KCNC2: variants seen among roughly 807,000 people sequenced by gnomAD.
KCNC2 encodes the protein voltage-gated potassium channel KCNC2.
In KCNC2, 21 loss-of-function variants were observed where a neutral mutation model predicts 44.5. The observed-to-expected ratio is 0.47, with a 90% CI of 0.33 to 0.68. The LOEUF is 0.68. KCNC2 is among the 30% of genes least tolerant of loss of function. The probability of loss-of-function intolerance (pLI) is 0.01; values close to 1 mark genes in which losing one functional copy is unlikely to be tolerated. For synonymous variants in KCNC2, 391 were observed against 339.1 expected, an observed-to-expected ratio of 1.15 and a Z score of -1.68; for missense variants, 589 against 826.2, an observed-to-expected ratio of 0.71 and a Z score of 3.52.
At chr12:75,078,126 C>G (rs1327087896) in intron 2 of KCNC2, among the ~76,000 whole-genome samples, 1 of 151,962 alleles carries the variant, frequency 6.6e-6, no homozygotes, top group East Asian at 1.9e-4. Flanking sequence ...TTCCTGGGTA[C>G]CTTGTTTATA....
At chr12:75,184,886 C>A (rs555141459) in intron 2 of KCNC2, among the ~76,000 whole-genome samples, 1 of 152,116 alleles carries the variant, frequency 6.6e-6, no homozygotes, top group Non-Finnish European at 1.5e-5. Flanking sequence ...TGGTTACTTG[C>A]CTACTCCTCA....
intron 2 of KCNC2, among the ~76,000 whole-genome samples, chr12:75,099,733 T>A (rs1886225222): frequency 6.6e-6 from 1 of 152,136 alleles, no homozygotes; most frequent in Non-Finnish European, 1.5e-5. Flanking sequence ...ATTGAATAAC[T>A]GCACATTAAT....
chr12:75,118,195 T>C (rs1887811812), intron 2 of KCNC2, among the ~76,000 whole-genome samples: 1 of 152,106 alleles, frequency 6.6e-6, no homozygotes, highest in Admixed American at 6.6e-5. Context: ...ATAAGTGACT[T>C]AATTAAGGTC....
chr12:75,079,350 A>G (rs1351457439), intron 2 of KCNC2, among the ~76,000 whole-genome samples: 1 of 152,106 alleles, frequency 6.6e-6, no homozygotes, highest in Non-Finnish European at 1.5e-5. Context: ...ACCACTGGAT[A>G]TAGAGACTAC....
At chr12:75,158,417 T>A (rs1002332781) in intron 2 of KCNC2, among the ~76,000 whole-genome samples, 1 of 151,412 alleles carries the variant, frequency 6.6e-6, no homozygotes, top group Admixed American at 6.6e-5. Context: ...TTAGATACAC[T>A]TGAGAGAAAA....
chr12:75,203,432 A>G (rs570231695), intron 2 of KCNC2, among the ~76,000 whole-genome samples: 8 of 152,000 alleles, frequency 5.3e-5, no homozygotes, highest in African/African-American at 1.9e-4. Flanking sequence ...TTAAAAAATG[A>G]TAGATTCGCT....
chr12:75,062,358 C>A (rs1882431378), intron 2 of KCNC2, among the ~76,000 whole-genome samples: 3 of 152,132 alleles, frequency 2.0e-5, no homozygotes, highest in African/African-American at 7.2e-5. Context: ...CTCTGGTCAT[C>A]AATACTGCAA....
intron 2 of KCNC2, among the ~76,000 whole-genome samples, chr12:75,089,588 AAAAG>A (rs1885305680): frequency 2.6e-5 from 4 of 152,004 alleles, no homozygotes; most frequent in South Asian, 4.1e-4. Context: ...ATATGCAGTT[AAAAG>A]AACATGCAAC....
At chr12:75,202,492 G>A (rs1242250449) in intron 2 of KCNC2, among the ~76,000 whole-genome samples, 1 of 151,740 alleles carries the variant, frequency 6.6e-6, no homozygotes, top group Non-Finnish European at 1.5e-5. Context: ...GACTATTATA[G>A]CAGACTCTTT....
intron 2 of KCNC2, among the ~76,000 whole-genome samples, chr12:75,185,221 A>G (rs1014462751): frequency 2.6e-5 from 4 of 152,228 alleles, no homozygotes; most frequent in African/African-American, 4.8e-5. Context: ...TCTTTGGGCT[A>G]TAACAGTGAT....
At position 75,092,450 on chromosome 12, in the gene KCNC2, A is replaced by C. The variant is rs117549553; in HGVS notation, c.688-41133T>G. On this transcript the variant is annotated intron_variant, in intron 2 of 4. Transcript: ENST00000549446. Reference sequence around the variant, plus strand: ...CTAACATAAAATTATTTGTAAAAATAGCTTAATCAGTGTAACACTCTCTGG... The same window carrying C: ...CTAACATAAAATTATTTGTAAAAATCGCTTAATCAGTGTAACACTCTCTGG... Among the ~76,000 whole-genome samples the C allele has an allele frequency of 2.8e-3, 418 of 151,812 alleles. 1 individual carries two copies. Among genetic ancestry groups the C allele is most frequent in the Non-Finnish European group, 3.4e-3 (232 of 67,694 alleles).
chr12:75,127,742 T>C (rs965484269), intron 2 of KCNC2, among the ~76,000 whole-genome samples: 4 of 152,168 alleles, frequency 2.6e-5, no homozygotes, highest in Admixed American at 2.6e-4. Context: ...GTGGAGACTT[T>C]TCTCCAAGCT....
At chr12:75,175,541 G>T (rs1458572189) in intron 2 of KCNC2, among the ~76,000 whole-genome samples, 1 of 151,944 alleles carries the variant, frequency 6.6e-6, no homozygotes, top group Non-Finnish European at 1.5e-5. Flanking sequence ...TCTGGTCAAT[G>T]AATTGCAAGC....
intron 2 of KCNC2, among the ~76,000 whole-genome samples, chr12:75,054,052 G>A (rs576120974): frequency 3.3e-5 from 5 of 151,058 alleles, no homozygotes; most frequent in Admixed American, 6.6e-5. Context: ...GTGAAACCCC[G>A]TCTCTACTAA....
At chr12:75,189,238 GT>G (rs1375196502) in intron 2 of KCNC2, among the ~76,000 whole-genome samples, 1 of 152,132 alleles carries the variant, frequency 6.6e-6, no homozygotes, top group East Asian at 1.9e-4. Context: ...CAACAATATT[GT>G]TTTTCAGTCA....
rs571192083 is a variant in KCNC2 at position 75,129,774 on chromosome 12, A to G, written c.687+77523T>C. On this transcript the variant is annotated intron_variant, in intron 2 of 4. Coordinates refer to ENST00000549446, the MANE Select transcript of KCNC2 (RefSeq NM_139137.4). ...GAATGCCCATAATAATCAGTATACC[A>G]ATAAGACATTCATGAAATGATGCAA... 1.2e-4 allele frequency among the ~76,000 whole-genome samples: 18 copies of G among 152,304 alleles called. No individual in the cohort carries two copies. In the East Asian group the frequency reaches 3.5e-3, roughly 29 times the overall value.
intron 2 of KCNC2, among the ~76,000 whole-genome samples, chr12:75,120,067 T>C (rs996456345): frequency 6.6e-6 from 1 of 152,214 alleles, no homozygotes; most frequent in Non-Finnish European, 1.5e-5. Context: ...AATATAAGAC[T>C]GGGGATTCAA....
At chr12:75,203,852 T>G (rs577412677) in intron 2 of KCNC2, among the ~76,000 whole-genome samples, 5 of 151,976 alleles carry the variant, frequency 3.3e-5, no homozygotes, top group African/African-American at 1.2e-4. Context: ...TTTGTCCTTA[T>G]GTGATTTTTA....
intron 2 of KCNC2, among the ~76,000 whole-genome samples, chr12:75,085,806 C>T (rs550177219): frequency 6.6e-6 from 1 of 151,902 alleles, no homozygotes; most frequent in Admixed American, 6.6e-5. Context: ...TTCCTAGTAA[C>T]CTTCCAAATA....
Sources: gnomAD v4.1 joint callset for allele counts (sites outside exome capture counted in the v4.1 genomes callset) on GRCh38, gnomAD v4.1.1 for gene constraint, MANE v1.5 for transcripts, NCBI Gene and HGNC (gene_info 2026-07-23, HGNC 2026-07-21) for gene names.